Variants in UBQLN1 observed in about 807,000 individuals in gnomAD.
UBQLN1 encodes the protein ubiquilin-1.
A neutral mutation model predicts 65.4 loss-of-function variants in UBQLN1; 13 were observed. The observed-to-expected ratio is 0.20, with a 90% CI of 0.13 to 0.32. The LOEUF (loss-of-function observed/expected upper bound fraction) is 0.32, where lower values mean the gene tolerates loss of function less well. Ranked by LOEUF, UBQLN1 falls within the 10% of genes least tolerant of loss-of-function variation. The pLI is 1.00. For missense variants in UBQLN1, 561 were observed against 724.0 expected (o/e 0.77, Z 2.58); for synonymous variants, 267 against 247.8 (o/e 1.08, Z -0.73).
At chr9:83,675,547 G>A (rs1261457723) in intron 6 of UBQLN1, among the ~76,000 whole-genome samples, 1 of 151,770 alleles carries the variant, frequency 6.6e-6, no homozygotes, top group Non-Finnish European at 1.5e-5. Context: ...CATACCACCA[G>A]CAACATTTTT....
intron 6 of UBQLN1, among the ~76,000 whole-genome samples, chr9:83,673,029 C>T (rs1831759535): frequency 6.6e-6 from 1 of 152,166 alleles, no homozygotes; most frequent in Non-Finnish European, 1.5e-5. Flanking sequence ...GTCAGGAGTT[C>T]AAGCAGCCTG....
intron 1 of UBQLN1, among the ~76,000 whole-genome samples, chr9:83,699,603 G>A (rs192214472): frequency 2.0e-5 from 3 of 152,178 alleles, no homozygotes; most frequent in South Asian, 2.1e-4. Flanking sequence ...CCTTGGCCCC[G>A]CAAAGTGTTG....
At chr9:83,702,981 C>G (rs1249092605) in intron 1 of UBQLN1, among the ~76,000 whole-genome samples, 1 of 152,142 alleles carries the variant, frequency 6.6e-6, no homozygotes, top group Non-Finnish European at 1.5e-5. Flanking sequence ...AAATTTTACA[C>G]ATAACCTAAC....
chr9:83,671,596 A>G (rs1052705092), intron 6 of UBQLN1, among the ~76,000 whole-genome samples: 10 of 152,226 alleles, frequency 6.6e-5, no homozygotes, highest in African/African-American at 2.4e-4. Context: ...TTCCTTAGCA[A>G]CGTCTCACCA....
At chr9:83,707,019 C>T (rs922186925) in intron 1 of UBQLN1, among the ~76,000 whole-genome samples, 2 of 152,108 alleles carry the variant, frequency 1.3e-5, no homozygotes, top group African/African-American at 2.4e-5. Flanking sequence ...TACACATGCA[C>T]CTCACCCCAA....
At chr9:83,693,453 TTTTC>T (rs1188515357) in intron 1 of UBQLN1, among the ~76,000 whole-genome samples, 3 of 139,062 alleles carry the variant, frequency 2.2e-5, no homozygotes, top group Non-Finnish European at 4.8e-5. Context: ...GTATCTGCCT[TTTTC>T]TTTTTCTTAT....
At chr9:83,696,444 T>TA (rs1430029855) in intron 1 of UBQLN1, among the ~76,000 whole-genome samples, 1 of 151,912 alleles carries the variant, frequency 6.6e-6, no homozygotes, top group African/African-American at 2.4e-5. Flanking sequence ...ATCCTGTCTC[T>TA]ATAAAAACAA....
intron 1 of UBQLN1, among the ~76,000 whole-genome samples, chr9:83,697,380 G>A (rs149023278): frequency 0.095 from 14,236 of 150,296 alleles, 910 homozygotes; most frequent in South Asian, 0.13. Context: ...ATGAAACCCC[G>A]TCTCTACTAA....
chr9:83,693,909 G>C (rs1052012747), intron 1 of UBQLN1, among the ~76,000 whole-genome samples: 1 of 152,214 alleles, frequency 6.6e-6, no homozygotes. Flanking sequence ...TACTTATTCT[G>C]CAGGGCTGAT....
intron 2 of UBQLN1, among the ~76,000 whole-genome samples, chr9:83,685,632 A>AC (rs1171463146): frequency 1.3e-5 from 2 of 151,852 alleles, no homozygotes; most frequent in African/African-American, 2.4e-5. Context: ...AAAAAAAAAA[A>AC]AGTTCCTTAG....
intron 3 of UBQLN1, among the ~76,000 whole-genome samples, chr9:83,680,639 C>T (rs997585147): frequency 6.6e-6 from 1 of 152,210 alleles, no homozygotes; most frequent in African/African-American, 2.4e-5. Context: ...GCCCAACTTC[C>T]ATCCCCCACA....
Position 83,664,034 on chromosome 9 carries a change from A to G in UBQLN1, c.1458T>C (p.Pro486=). Residue 486 remains proline (P), a synonymous_variant, in exon 10 of 11, where the codon CCT becomes CCC. Transcript: ENST00000376395. ...CAGTGCTTCCTAATGCCCCCAAGCC[A>G]GGAGTAAACCTACAGAAAGCACAAA... is the stretch of plus-strand genomic sequence containing the variant. ...EAPGLIPGFT[P]GLGALGSTGG... 6.2e-7 allele frequency: 1 copy of G among 1,613,270 alleles called. No individual in the cohort carries two copies. The highest frequency in any genetic ancestry group is 2.2e-5 in the East Asian group (1 of 44,874).
Position 83,682,996 on chromosome 9 carries a change from T to C in UBQLN1, c.403A>G (p.Ser135Gly), listed in dbSNP as rs1831970817. 3 of 1,612,734 alleles carry C rather than the reference T, an allele frequency of 1.9e-6. No homozygotes were observed. Among genetic ancestry groups the C allele is most frequent in the East Asian group, 4.5e-5 (2 of 44,864 alleles). The change falls in exon 3 of 11, where the codon AGT (serine) becomes GGT (glycine). Residue 135 changes from serine (S) to glycine (G), a missense_variant. Physicochemically the swap from Ser to Gly is moderately conservative, Grantham distance 56 (BLOSUM62 0). This residue lies in a region of UBQLN1 where 87 missense variants were observed against 88.8 expected (regional missense o/e 0.98). Coordinates refer to ENST00000376395, the MANE Select transcript of UBQLN1 (RefSeq NM_013438.5). ...SNVTTSSTPN[S>G]NSTSGSATSN... ...GTAGCAGAACCAGATGTAGAGTTAC[T>C]ATTAGGAGTTGATGATGTAGTAACA... is the stretch of plus-strand genomic sequence containing the variant.
chr9:83,700,821 T>C (rs1027736447), intron 1 of UBQLN1, among the ~76,000 whole-genome samples: 1 of 152,184 alleles, frequency 6.6e-6, no homozygotes, highest in African/African-American at 2.4e-5. Flanking sequence ...GGAGAGGGCA[T>C]GGAACCGTAT....
chr9:83,687,522 G>A (rs1470583038), intron 1 of UBQLN1, among the ~76,000 whole-genome samples: 1 of 152,134 alleles, frequency 6.6e-6, no homozygotes, highest in African/African-American at 2.4e-5. Flanking sequence ...TAAGGAAATT[G>A]CTGCCAAGAA....
intron 7 of UBQLN1, chr9:83,668,220 A>G: frequency 3.0e-6 from 3 of 985,168 alleles, no homozygotes; most frequent in Non-Finnish European, 3.6e-6. Flanking sequence ...AAATTTGGTG[A>G]GGGCATAAGT....
At chr9:83,669,437 A>G (rs1831696342) in intron 6 of UBQLN1, 110 bp from the exon 7 acceptor site, 5 of 1,022,024 alleles carry the variant, frequency 4.9e-6, no homozygotes, top group South Asian at 1.8e-5. Flanking sequence ...ACAAATGATT[A>G]TACATATTAT....
At chr9:83,692,734 C>G (rs1832148845) in intron 1 of UBQLN1, among the ~76,000 whole-genome samples, 1 of 152,148 alleles carries the variant, frequency 6.6e-6, no homozygotes, top group Non-Finnish European at 1.5e-5. Context: ...TGCCTGTAAT[C>G]CCAGCTACTT....
intron 1 of UBQLN1, among the ~76,000 whole-genome samples, chr9:83,693,872 C>G (rs933592208): frequency 2.6e-5 from 4 of 152,142 alleles, no homozygotes; most frequent in Non-Finnish European, 5.9e-5. Context: ...TGTCTCTGAG[C>G]CTTGGTTTCT....
Sources: allele counts gnomAD v4.1 joint callset (sites outside exome capture counted in the v4.1 genomes callset), GRCh38; gene constraint gnomAD v4.1.1; regional missense constraint gnomAD v4.1.1; transcripts MANE v1.5; gene names NCBI Gene and HGNC (gene_info 2026-07-23, HGNC 2026-07-21).